Variants in DNAH14 observed in about 807,000 individuals in gnomAD.
The protein encoded by DNAH14 is dynein axonemal heavy chain 14.
In DNAH14, 478 loss-of-function variants were observed where a neutral mutation model predicts 520.9. The ratio of observed to expected loss-of-function variants is 0.92; its 90% confidence interval spans 0.85 to 0.99. The LOEUF (loss-of-function observed/expected upper bound fraction) is 0.99. Among genes scored for constraint, DNAH14 ranks in the 50% least tolerant of loss-of-function variants. DNAH14 has a pLI of 0.00. For synonymous variants in DNAH14, 1,581 were observed against 1,757.2 expected (o/e 0.90, Z 2.51); for missense variants, 4,831 against 5,234.5 (o/e 0.92, Z 2.38).
intron 69 of DNAH14, among the ~76,000 whole-genome samples, chr1:225,345,213 G>A (rs965195137): frequency 6.6e-6 from 1 of 152,086 alleles, no homozygotes; most frequent in East Asian, 1.9e-4. Context: ...CCCAGCAATG[G>A]TCATATCAAG....
intron 60 of DNAH14, among the ~76,000 whole-genome samples, chr1:225,315,576 T>C (rs1260135154): frequency 1.3e-5 from 2 of 152,152 alleles, no homozygotes; most frequent in African/African-American, 2.4e-5. Context: ...TCTTTGTGGA[T>C]TTATCTACCT....
At chr1:224,931,968 C>T (rs1265047453) in intron 1 of DNAH14, among the ~76,000 whole-genome samples, 1 of 152,112 alleles carries the variant, frequency 6.6e-6, no homozygotes, top group African/African-American at 2.4e-5. Flanking sequence ...TGGTTAGATA[C>T]TCAGTAGTGA....
At chr1:224,949,332 A>ATG (rs1177215569) in intron 1 of DNAH14, among the ~76,000 whole-genome samples, 9 of 151,522 alleles carry the variant, frequency 5.9e-5, no homozygotes, top group East Asian at 3.9e-4. Context: ...GTGTGTGTGC[A>ATG]TGTGTGTGTG....
In DNAH14 at chr1:225,211,130, C is replaced by T. The variant is rs572115121; in HGVS notation, c.6439+3910C>T. On this transcript the variant is annotated intron_variant, in intron 41 of 85. Coordinates refer to ENST00000682510, the MANE Select transcript of DNAH14 (RefSeq NM_001367479.1). ...GGATTACAATTCCTCGCCAGGAAGG[C>T]AACAAAACTGAATGGAGAATGAGTT... 2.6e-5 allele frequency among the ~76,000 whole-genome samples: 4 copies of T among 152,268 alleles called. No homozygotes were observed. In the East Asian group the frequency reaches 7.7e-4, roughly 29 times the overall value.
At chr1:225,059,905 G>C (rs1411526945) in intron 17 of DNAH14, among the ~76,000 whole-genome samples, 3 of 152,226 alleles carry the variant, frequency 2.0e-5, no homozygotes, top group African/African-American at 7.2e-5. Flanking sequence ...AGCTGTTAGT[G>C]TGATGGGCTT....
chr1:225,180,338 G>C lies in DNAH14; in HGVS notation c.5536-4953G>C, dbSNP rs114902015. On this transcript the variant is annotated intron_variant, in intron 36 of 85. Transcript: ENST00000682510. ...TATTCTACTTTCACTGTGTGTCTTG[G>C]TCTGTTTTGTGTTGCTATAAAGAAA... Among the ~76,000 whole-genome samples the C allele has an allele frequency of 4.9e-3, 750 of 152,150 alleles. 4 individuals carry two copies. The highest frequency in any genetic ancestry group is 0.017 in the African/African-American group (701 of 41,508).
At position 225,088,003 on chromosome 1, in the gene DNAH14, G is replaced by A. The variant is rs573524268; in HGVS notation, c.3573+2214G>A. On this transcript the variant is annotated intron_variant, in intron 21 of 85. Transcript: ENST00000682510. ...TGGAATAACCAGTCCTGAATTAAAT[G>A]TTGCTCCTGTCTTCCCTAACAGATC... Among the ~76,000 whole-genome samples the A allele has an allele frequency of 1.9e-4, 29 of 152,306 alleles. No homozygotes were observed. In the South Asian group the frequency reaches 5.6e-3, roughly 29 times the overall value.
chr1:225,274,258 G>A (rs1057426985), intron 52 of DNAH14, among the ~76,000 whole-genome samples: 9 of 139,014 alleles, frequency 6.5e-5, no homozygotes, highest in African/African-American at 2.4e-4. Flanking sequence ...AGGCGGGAGT[G>A]CTGTGGCGCG....
At chr1:225,279,293 C>T (rs2093571063) in intron 54 of DNAH14, among the ~76,000 whole-genome samples, 3 of 152,188 alleles carry the variant, frequency 2.0e-5, no homozygotes, top group Non-Finnish European at 4.4e-5. Context: ...AGGTGTGAGC[C>T]ACCACACCTG....
At chr1:224,950,873 A>G (rs75213215) in intron 1 of DNAH14, among the ~76,000 whole-genome samples, 1 of 102,118 alleles carries the variant, frequency 9.8e-6, no homozygotes, top group Non-Finnish European at 1.6e-5. Context: ...ACTGTATTAC[A>G]AAAAAAAAAT....
chr1:225,087,159 C>A (rs996125182), intron 21 of DNAH14, among the ~76,000 whole-genome samples: 1 of 152,132 alleles, frequency 6.6e-6, no homozygotes, highest in Non-Finnish European at 1.5e-5. Context: ...ATGTATTTGG[C>A]TTATGGTTCT....
At chr1:225,193,032 CT>C in intron 38 of DNAH14, 121 bp downstream of exon 38, 1 of 761,840 alleles carries the variant, frequency 1.3e-6, no homozygotes, top group Non-Finnish European at 1.9e-6. Context: ...ATTTTAAAAT[CT>C]TATGAATAGT....
chr1:225,083,840 C>T (rs1165453359), intron 20 of DNAH14, among the ~76,000 whole-genome samples: 1 of 152,140 alleles, frequency 6.6e-6, no homozygotes, highest in African/African-American at 2.4e-5. Context: ...TATTTCAAAT[C>T]AGCATGCATA....
chr1:225,128,557 G>A (rs993306564), intron 27 of DNAH14, among the ~76,000 whole-genome samples: 10 of 151,622 alleles, frequency 6.6e-5, no homozygotes, highest in Non-Finnish European at 1.2e-4. Context: ...CAGAACCAAA[G>A]ACAAAAACCA....
chr1:225,082,887 G>C, intron 20 of DNAH14, 148 bp downstream of exon 20: 1 of 640,748 alleles, frequency 1.6e-6, no homozygotes, highest in Non-Finnish European at 2.6e-6. Flanking sequence ...TAGAATAATA[G>C]GTGATAGGAA....
intron 27 of DNAH14, among the ~76,000 whole-genome samples, chr1:225,129,590 G>A (rs920822761): frequency 3.9e-5 from 6 of 152,150 alleles, no homozygotes; most frequent in Non-Finnish European, 7.3e-5. Context: ...TTTAATAAAT[G>A]GTGCTGGGAA....
chr1:225,254,137 A>G (rs1441084291), intron 44 of DNAH14, among the ~76,000 whole-genome samples: 1 of 152,124 alleles, frequency 6.6e-6, no homozygotes, highest in African/African-American at 2.4e-5. Context: ...GAACCTAGAT[A>G]TGGAAAGTGC....
intron 55 of DNAH14, among the ~76,000 whole-genome samples, chr1:225,294,408 C>A (rs1466889982): frequency 6.6e-6 from 1 of 152,130 alleles, no homozygotes; most frequent in Non-Finnish European, 1.5e-5. Flanking sequence ...CCTTTTTCAT[C>A]ACATCCTTAC....
At chr1:225,296,803 A>T (rs2094019164) in intron 55 of DNAH14, among the ~76,000 whole-genome samples, 1 of 151,996 alleles carries the variant, frequency 6.6e-6, no homozygotes, top group South Asian at 2.1e-4. Context: ...TGACTATCTC[A>T]TCCTATTCTC....
Sources: allele counts gnomAD v4.1 joint callset (sites outside exome capture counted in the v4.1 genomes callset), GRCh38; gene constraint gnomAD v4.1.1; transcripts MANE v1.5; gene names NCBI Gene and HGNC (gene_info 2026-07-23, HGNC 2026-07-21).